Variants in ASIC2 observed in about 807,000 individuals in gnomAD.
ASIC2 encodes acid sensing ion channel subunit 2.
A neutral mutation model predicts 57.3 loss-of-function variants in ASIC2; 25 were observed. The ratio of observed to expected loss-of-function variants is 0.44; its 90% CI spans 0.32 to 0.61. The LOEUF (loss-of-function observed/expected upper bound fraction) is 0.61. Ranked by LOEUF, ASIC2 falls within the 20% of genes least tolerant of loss-of-function variation. The pLI is 0.06. For missense variants in ASIC2, 641 were observed against 738.1 expected, an observed-to-expected ratio of 0.87 and a Z score of 1.52; for synonymous variants, 319 against 307.5, an observed-to-expected ratio of 1.04 and a Z score of -0.39.
At chr17:33,820,825 T>C (rs887273693) in intron 1 of ASIC2, among the ~76,000 whole-genome samples, 4 of 152,214 alleles carry the variant, frequency 2.6e-5, no homozygotes, top group Non-Finnish European at 5.9e-5. Context: ...TACTGGTGCG[T>C]GTCATCATGC....
At chr17:33,267,956 A>G (rs1170521712) in intron 1 of ASIC2, among the ~76,000 whole-genome samples, 1 of 152,118 alleles carries the variant, frequency 6.6e-6, no homozygotes, top group Admixed American at 6.5e-5. Context: ...CAAGATCTTA[A>G]TTTCTTTTGG....
At chr17:33,629,255 GT>G (rs151212694) in intron 1 of ASIC2, among the ~76,000 whole-genome samples, 44,298 of 151,962 alleles carry the variant, frequency 0.29, 6,623 homozygotes, top group East Asian at 0.41. Context: ...CCACTTTTCA[GT>G]TTGGTTAAGA....
intron 1 of ASIC2, among the ~76,000 whole-genome samples, chr17:33,458,719 C>T (rs1429012365): frequency 6.6e-6 from 1 of 152,190 alleles, no homozygotes; most frequent in African/African-American, 2.4e-5. Context: ...ATGACTTTCT[C>T]TATCTGGGCT....
At chr17:33,347,357 G>T (rs1020521002) in intron 1 of ASIC2, among the ~76,000 whole-genome samples, 15 of 152,304 alleles carry the variant, frequency 9.8e-5, no homozygotes, top group Admixed American at 9.8e-4. Flanking sequence ...TGGGGGAAGG[G>T]TGCAGGAGTT....
chr17:33,084,418 G>A (rs980600021), intron 3 of ASIC2, among the ~76,000 whole-genome samples: 6 of 152,332 alleles, frequency 3.9e-5, no homozygotes, highest in East Asian at 1.9e-4. Context: ...CTCCCTGTGC[G>A]CTCTCTCCAG....
chr17:33,135,248 A>C (rs1397887353), intron 1 of ASIC2, among the ~76,000 whole-genome samples: 1 of 151,934 alleles, frequency 6.6e-6, no homozygotes, highest in Non-Finnish European at 1.5e-5. Flanking sequence ...TCATCCCTCC[A>C]TGCCTTTGCC....
intron 1 of ASIC2, among the ~76,000 whole-genome samples, chr17:33,143,874 T>C (rs1239724738): frequency 6.6e-6 from 1 of 152,170 alleles, no homozygotes. Flanking sequence ...ATCTACAATC[T>C]TTAAAAAAGT....
chr17:34,030,964 A>G (rs1234825653), intron 1 of ASIC2, among the ~76,000 whole-genome samples: 4 of 152,386 alleles, frequency 2.6e-5, no homozygotes, highest in South Asian at 4.1e-4. Flanking sequence ...AAAGACAGCA[A>G]TAACCTCTGC....
At chr17:33,329,910 C>A (rs555476608) in intron 1 of ASIC2, among the ~76,000 whole-genome samples, 7 of 152,088 alleles carry the variant, frequency 4.6e-5, no homozygotes, top group Non-Finnish European at 7.4e-5. Flanking sequence ...GAAGGAGGAA[C>A]CTACTTGGGG....
intron 2 of ASIC2, among the ~76,000 whole-genome samples, chr17:33,096,317 C>T (rs961039670): frequency 2.0e-5 from 3 of 152,228 alleles, no homozygotes; most frequent in Admixed American, 1.3e-4. Context: ...AGTTATGCAT[C>T]GAATGCCTAC....
chr17:33,398,950 T>C (rs950449523), intron 1 of ASIC2, among the ~76,000 whole-genome samples: 1 of 152,160 alleles, frequency 6.6e-6, no homozygotes, highest in Non-Finnish European at 1.5e-5. Context: ...TTGGGAGTCA[T>C]AGACTGGGAC....
At chr17:33,844,307 T>A (rs112443431) in intron 1 of ASIC2, among the ~76,000 whole-genome samples, 2 of 152,340 alleles carry the variant, frequency 1.3e-5, no homozygotes, top group African/African-American at 4.8e-5. Flanking sequence ...TGTACTTAAA[T>A]GTTACTAGAA....
intron 1 of ASIC2, among the ~76,000 whole-genome samples, chr17:34,088,233 TTC>T (rs1196214931): frequency 1.1e-4 from 16 of 152,214 alleles, no homozygotes; most frequent in Admixed American, 9.2e-4. Flanking sequence ...TGGATGTCCT[TTC>T]TGTTTGTTAG....
At chr17:33,143,051 G>A (rs1261484837) in intron 1 of ASIC2, among the ~76,000 whole-genome samples, 2 of 152,214 alleles carry the variant, frequency 1.3e-5, no homozygotes, top group Non-Finnish European at 2.9e-5. Context: ...GGGTCCCAGG[G>A]TGACCCAAAG....
intron 3 of ASIC2, among the ~76,000 whole-genome samples, chr17:33,082,597 G>A (rs1416828170): frequency 6.6e-6 from 1 of 152,068 alleles, no homozygotes; most frequent in African/African-American, 2.4e-5. Context: ...TATTCCAGAG[G>A]CTGAGGCACG....
At position 34,062,822 on chromosome 17, in the gene ASIC2, A is replaced by G. The variant is rs111466541; in HGVS notation, c.555+93156T>C. ...ACAACCCTCCTAGCTTAAATCAGGAAGACTTAGATACCCTGAACAGATCAA... is the reference window on the plus strand; with the variant it reads ...ACAACCCTCCTAGCTTAAATCAGGAGGACTTAGATACCCTGAACAGATCAA... On this transcript the variant is annotated intron_variant, in intron 1 of 9. Transcript: ENST00000359872. 4.0e-3 allele frequency among the ~76,000 whole-genome samples: 605 copies of G among 152,324 alleles called. 9 individuals carry two copies. The highest frequency in any genetic ancestry group is 0.013 in the African/African-American group (560 of 41,582).
intron 3 of ASIC2, among the ~76,000 whole-genome samples, chr17:33,068,658 T>A (rs1186851843): frequency 1.3e-5 from 2 of 152,252 alleles, no homozygotes; most frequent in Non-Finnish European, 2.9e-5. Flanking sequence ...ATTTACAGTT[T>A]TCTTATATCA....
intron 1 of ASIC2, among the ~76,000 whole-genome samples, chr17:33,560,301 T>C (rs1916034159): frequency 6.6e-6 from 1 of 152,198 alleles, no homozygotes; most frequent in South Asian, 2.1e-4. Flanking sequence ...GTTGACGTCC[T>C]CCCTGATCAG....
At chr17:33,350,695 G>GAAAC (rs1555600615) in intron 1 of ASIC2, among the ~76,000 whole-genome samples, 4 of 151,658 alleles carry the variant, frequency 2.6e-5, no homozygotes, top group Admixed American at 6.6e-5. Flanking sequence ...AAAAAAGAAA[G>GAAAC]AAAGAAAGAA....
Sources: allele counts gnomAD v4.1 joint callset (sites outside exome capture counted in the v4.1 genomes callset), GRCh38; gene constraint gnomAD v4.1.1; transcripts MANE v1.5; gene names NCBI Gene and HGNC (gene_info 2026-07-23, HGNC 2026-07-21).